The following PHF20L1 variants were observed in gnomAD, a reference collection of about 807,000 sequenced individuals.
PHF20L1 encodes the protein PHD finger protein 20 like 1, also known as PHD finger protein 20-like protein 1.
PHF20L1 carries 44 observed loss-of-function variants against 125.5 expected under a neutral mutation model. The observed-to-expected ratio is 0.35, with a 90% CI of 0.28 to 0.45. PHF20L1 has a LOEUF of 0.45. Ranked by LOEUF, PHF20L1 falls within the 20% of genes least tolerant of loss-of-function variation. The pLI, the probability that PHF20L1 is intolerant of heterozygous loss-of-function variation, is 1.00. For missense variants in PHF20L1, 1,012 were observed against 1,217.2 expected, an observed-to-expected ratio of 0.83 and a Z score of 2.51; for synonymous variants, 380 against 403.1, an observed-to-expected ratio of 0.94 and a Z score of 0.69.
rs1350864552 is a variant in PHF20L1, at chr8:132,825,273, A to C, written c.1646A>C (p.Lys549Thr). ...CACTTTTATCTTTTAGGTAAGAGAA[A>C]AGAAAAAGATAAGGAAAGAAGAGAG... The part of the protein sequence containing the change: ...DKSSTAFGKR[K>T]EKDKERREKR... Residue 549 changes from lysine to threonine, a missense_variant, in exon 14 of 21, where the codon AAA becomes ACA. Lys to Thr is a moderately conservative substitution (Grantham distance 78). Coordinates refer to ENST00000395386, the MANE Select transcript of PHF20L1 (RefSeq NM_016018.5). 6.3e-7 allele frequency: 1 copy of C among 1,577,702 alleles called. No homozygotes were observed. Among genetic ancestry groups the C allele is most frequent in the Admixed American group, 1.7e-5 (1 of 58,262 alleles).
At chr8:132,776,673 T>A (rs1164756537) in intron 1 of PHF20L1, among the ~76,000 whole-genome samples, 1 of 152,192 alleles carries the variant, frequency 6.6e-6, no homozygotes, top group Non-Finnish European at 1.5e-5. Flanking sequence ...CAGTTGGAAT[T>A]TTATGTTTGT....
chr8:132,821,045 G>A (rs910322661), intron 12 of PHF20L1, among the ~76,000 whole-genome samples: 1 of 151,754 alleles, frequency 6.6e-6, no homozygotes, highest in Non-Finnish European at 1.5e-5. Context: ...TAGGAATGTT[G>A]GCTTGACGTG....
At position 132,845,860 on chromosome 8, in the gene PHF20L1, C is replaced by T; in HGVS notation, c.2991C>T (p.His997=). 2 of 1,612,000 alleles carry T rather than the reference C, an allele frequency of 1.2e-6. No individual in the cohort carries two copies. The highest frequency in any genetic ancestry group is 2.2e-5 in the South Asian group (2 of 91,010). The change falls in exon 21 of 21, where the codon CAC becomes CAT. Residue 997 remains histidine (H), a synonymous_variant. Coordinates refer to ENST00000395386, the MANE Select transcript of PHF20L1 (RefSeq NM_016018.5). ...PLARLPQLKR[H]IKQLLIDMGK... ...CAAGATTGCCCCAACTTAAACGCCA[C>T]ATAAAACAGCTCCTAATTGACATGG...
At chr8:132,813,084 T>C (rs1407588534) in intron 9 of PHF20L1, 7 of 958,234 alleles carry the variant, frequency 7.3e-6, no homozygotes, top group Admixed American at 6.2e-5. Flanking sequence ...TATCAAGATA[T>C]TAAGTTTTAA....
Position 132,775,461 on chromosome 8 carries a change from A to C in PHF20L1, c.-222A>C. On this transcript the variant is annotated 5_prime_UTR_variant, in exon 1 of 21. Coordinates refer to ENST00000395386, the MANE Select transcript of PHF20L1 (RefSeq NM_016018.5). Reference sequence around the variant, plus strand: ...ACCCTGAGCGAGCTTGAGGGCTCGGACCCAGCTCCCTCCCGCGAAACCTTG... The same window carrying C: ...ACCCTGAGCGAGCTTGAGGGCTCGGCCCCAGCTCCCTCCCGCGAAACCTTG... 1 of 381,684 alleles carries C rather than the reference A, an allele frequency of 2.6e-6. No homozygotes were observed. The allele number at this position is 381,684 out of a possible 1,614,324, so 23.6% of individuals were successfully genotyped here.
chr8:132,809,259 C>G (rs1354168864), intron 8 of PHF20L1: 1 of 152,116 alleles, frequency 6.6e-6, no homozygotes, highest in Non-Finnish European at 1.5e-5. Context: ...CTTTGCCTCC[C>G]AGGTTCAAGC....
intron 2 of PHF20L1, among the ~76,000 whole-genome samples, chr8:132,787,225 T>C (rs1343630805): frequency 6.7e-6 from 1 of 150,240 alleles, no homozygotes; most frequent in Non-Finnish European, 1.5e-5. Context: ...GAACTGACAG[T>C]GAGAGTGAAC....
At chr8:132,812,584 T>A in intron 9 of PHF20L1, 1 of 983,788 alleles carries the variant, frequency 1.0e-6, no homozygotes, top group Non-Finnish European at 1.2e-6. Context: ...GTAAATTATT[T>A]TAGATTTTCA....
intron 12 of PHF20L1, among the ~76,000 whole-genome samples, chr8:132,821,995 C>A (rs1191120270): frequency 6.6e-6 from 1 of 151,940 alleles, no homozygotes; most frequent in Non-Finnish European, 1.5e-5. Flanking sequence ...TTGTTGACTT[C>A]TGGAATGGTC....
chr8:132,792,214 A>T (rs1831802530), intron 2 of PHF20L1, among the ~76,000 whole-genome samples: 2 of 152,254 alleles, frequency 1.3e-5, no homozygotes, highest in South Asian at 4.1e-4. Flanking sequence ...ACCAATTTTT[A>T]CAATTGATAG....
intron 6 of PHF20L1, chr8:132,799,806 C>T (rs1211982579): frequency 2.0e-5 from 3 of 151,686 alleles, no homozygotes; most frequent in Admixed American, 6.6e-5. Flanking sequence ...TTTTAAATTG[C>T]CTGGTTTTCA....
chr8:132,810,818 G>A (rs993051147), intron 8 of PHF20L1: 9 of 448,882 alleles, frequency 2.0e-5, no homozygotes, highest in African/African-American at 4.0e-5. Context: ...ATTTAATTGA[G>A]TAATATTAAA....
At chr8:132,796,401 T>A (rs957262029) in intron 4 of PHF20L1, among the ~76,000 whole-genome samples, 16 of 152,030 alleles carry the variant, frequency 1.1e-4, no homozygotes, top group Admixed American at 2.0e-4. Flanking sequence ...GGATTTAATC[T>A]AACAACAAAC....
At chr8:132,821,947 G>A (rs1038198889) in intron 12 of PHF20L1, among the ~76,000 whole-genome samples, 1 of 151,862 alleles carries the variant, frequency 6.6e-6, no homozygotes, top group South Asian at 2.1e-4. Flanking sequence ...AAATAAGGAC[G>A]AGATCGTGAA....
At chr8:132,840,500 C>T (rs1587090263) in intron 18 of PHF20L1, among the ~76,000 whole-genome samples, 1 of 152,122 alleles carries the variant, frequency 6.6e-6, no homozygotes, top group Non-Finnish European at 1.5e-5. Flanking sequence ...ATCAGCTTGT[C>T]TTTCTCCAAC....
At chr8:132,779,572 C>T (rs780907794) in intron 2 of PHF20L1, among the ~76,000 whole-genome samples, 4 of 152,136 alleles carry the variant, frequency 2.6e-5, no homozygotes, top group Admixed American at 2.0e-4. Context: ...ATATATTAGG[C>T]TTCCCAACTG....
chr8:132,797,759 A>C (rs938445141), intron 4 of PHF20L1, among the ~76,000 whole-genome samples: 17 of 144,062 alleles, frequency 1.2e-4, no homozygotes, highest in Middle Eastern at 3.4e-3. Flanking sequence ...CAGAGTACCC[A>C]AAAAAAAAAA....
chr8:132,843,394 G>A, intron 19 of PHF20L1: 1 of 980,160 alleles, frequency 1.0e-6, no homozygotes, highest in Non-Finnish European at 1.2e-6. Flanking sequence ...TCTTAGAAAT[G>A]TACCTTTATT....
chr8:132,821,096 T>A (rs1442950685), intron 12 of PHF20L1, among the ~76,000 whole-genome samples: 1 of 151,914 alleles, frequency 6.6e-6, no homozygotes, highest in Non-Finnish European at 1.5e-5. Flanking sequence ...AGGATGTCCA[T>A]GAGCAGGTCC....
Sources: gnomAD v4.1 joint callset for allele counts (sites outside exome capture counted in the v4.1 genomes callset) on GRCh38, gnomAD v4.1.1 for gene constraint, MANE v1.5 for transcripts, NCBI Gene and HGNC (gene_info 2026-07-23, HGNC 2026-07-21) for gene names.